The following DLEU7 variants were observed in gnomAD, a reference collection of about 807,000 sequenced individuals.
DLEU7 encodes deleted in lymphocytic leukemia 7, also known as leukemia-associated protein 7.
In DLEU7, 17 loss-of-function variants were observed where a neutral mutation model predicts 16.0. That is an observed-to-expected ratio of 1.06 (90% CI 0.73 to 1.59). The LOEUF (loss-of-function observed/expected upper bound fraction) is 1.59, where lower values mean the gene tolerates loss of function less well. Among genes scored for constraint, DLEU7 ranks in the 40% most tolerant of loss-of-function variants. The pLI is 0.00. For missense variants in DLEU7, 308 were observed against 314.9 expected, an observed-to-expected ratio of 0.98 and a Z score of 0.17; for synonymous variants, 113 against 139.8, an observed-to-expected ratio of 0.81 and a Z score of 1.35.
chr13:50,746,029 G>A (rs974473562), intron 1 of DLEU7, among the ~76,000 whole-genome samples: 3 of 152,110 alleles, frequency 2.0e-5, no homozygotes, highest in African/African-American at 7.2e-5. Flanking sequence ...TCTAGACCAA[G>A]GCCATAGACA....
chr13:50,753,825 C>T (rs775002577), intron 1 of DLEU7, among the ~76,000 whole-genome samples: 2 of 152,208 alleles, frequency 1.3e-5, no homozygotes, highest in African/African-American at 4.8e-5. Flanking sequence ...GTGCCAAGAG[C>T]GAGCGAGGGC....
At chr13:50,738,295 A>G (rs1326200212) in intron 1 of DLEU7, among the ~76,000 whole-genome samples, 1 of 152,148 alleles carries the variant, frequency 6.6e-6, no homozygotes, top group Non-Finnish European at 1.5e-5. Context: ...TCATAATAAA[A>G]CATTGGGAAA....
At chr13:50,808,789 A>G (rs905525611) in intron 1 of DLEU7, 7 of 152,118 alleles carry the variant, frequency 4.6e-5, no homozygotes, top group African/African-American at 1.4e-4. Context: ...GGTATAGTAG[A>G]AGATATTTAA....
At chr13:50,735,047 C>T (rs1361172258) in intron 1 of DLEU7, among the ~76,000 whole-genome samples, 1 of 151,936 alleles carries the variant, frequency 6.6e-6, no homozygotes, top group Non-Finnish European at 1.5e-5. Context: ...AGAATAATGC[C>T]AAAGTAAAAA....
intron 1 of DLEU7, among the ~76,000 whole-genome samples, chr13:50,803,257 C>T (rs2137783184): frequency 6.6e-6 from 1 of 152,250 alleles, no homozygotes; most frequent in African/African-American, 2.4e-5. Context: ...TCTCCCCTTC[C>T]TCATGGACTC....
At chr13:50,812,642 A>G (rs1876604437) in intron 1 of DLEU7, among the ~76,000 whole-genome samples, 1 of 152,154 alleles carries the variant, frequency 6.6e-6, no homozygotes, top group East Asian at 1.9e-4. Flanking sequence ...CAGTCTATAA[A>G]AACAAACAGC....
chr13:50,755,316 A>G (rs12858167), intron 1 of DLEU7, among the ~76,000 whole-genome samples: 33,956 of 152,140 alleles, frequency 0.22, 4,063 homozygotes, highest in Middle Eastern at 0.29. Flanking sequence ...TTCTCCCTCA[A>G]GAACACCGAT....
intron 1 of DLEU7, among the ~76,000 whole-genome samples, chr13:50,753,243 C>T (rs992769387): frequency 3.5e-4 from 54 of 152,258 alleles, no homozygotes; most frequent in Non-Finnish European, 7.3e-5. Context: ...CAGCTGGATT[C>T]ACCCAGTGGA....
chr13:50,739,194 A>C (rs1029912116), intron 1 of DLEU7, among the ~76,000 whole-genome samples: 1 of 152,014 alleles, frequency 6.6e-6, no homozygotes, highest in Non-Finnish European at 1.5e-5. Context: ...TTCTCAGTAA[A>C]TTCTTCTCGG....
chr13:50,720,379 C>T (rs1036652800), intron 1 of DLEU7, among the ~76,000 whole-genome samples: 3 of 152,130 alleles, frequency 2.0e-5, no homozygotes, highest in African/African-American at 7.2e-5. Flanking sequence ...GCCTAATGAC[C>T]AGATCAGGGC....
chr13:50,831,518 A>C, intron 1 of DLEU7, among the ~76,000 whole-genome samples: 1 of 152,324 alleles, frequency 6.6e-6, no homozygotes, highest in Non-Finnish European at 1.5e-5. Context: ...TAGTCTGAAA[A>C]GAATAGAATT....
chr13:50,778,354 C>T (rs1423834478), intron 1 of DLEU7, among the ~76,000 whole-genome samples: 3 of 152,106 alleles, frequency 2.0e-5, no homozygotes, highest in Non-Finnish European at 2.9e-5. Context: ...GTGGGGATTA[C>T]GATTTGACGT....
chr13:50,843,792 C>G, upstream of DLEU7: 1 of 1,158,310 alleles, frequency 8.6e-7, no homozygotes, highest in South Asian at 1.6e-5. This position sits in a 1 kb window ranked among gnomAD's most constrained non-coding sequence, Gnocchi z 5.7. Context: ...GGCCCCGCCC[C>G]CGGCTCTGAA....
chr13:50,737,757 A>G (rs1018501135), intron 1 of DLEU7, among the ~76,000 whole-genome samples: 3 of 152,104 alleles, frequency 2.0e-5, no homozygotes, highest in African/African-American at 7.2e-5. Context: ...AGTAAAGCCA[A>G]TTAGTAACCC....
chr13:50,812,617 G>A (rs1876603818), intron 1 of DLEU7, among the ~76,000 whole-genome samples: 1 of 152,140 alleles, frequency 6.6e-6, no homozygotes. Flanking sequence ...TATGTCTGCA[G>A]AGGGGCATAA....
chr13:50,825,096 T>C (rs1252581040), intron 1 of DLEU7, among the ~76,000 whole-genome samples: 1 of 150,746 alleles, frequency 6.6e-6, no homozygotes, highest in African/African-American at 2.5e-5. Context: ...AGATTCTCTC[T>C]TTTTTTTTAA....
At position 50,743,289 on chromosome 13, in the gene DLEU7, G is replaced by C. The variant is rs150461785; in HGVS notation, c.460-30049C>G. The stretch of plus-strand genomic sequence containing the variant: ...GTGCACAGGCCTGTGGGACCAAGCA[G>C]GTTTGCTGACAGGGCATCTAAACAG... On this transcript the variant is annotated intron_variant, in intron 1 of 1. Transcript: ENST00000400393. Among the ~76,000 whole-genome samples, 386 of 152,252 alleles carry C rather than the reference G, an allele frequency of 2.5e-3. 1 individual carries two copies. Among genetic ancestry groups the C allele is most frequent in the African/African-American group, 9.0e-3 (373 of 41,540 alleles).
rs538831534 is a variant in DLEU7 at position 50,801,460 on chromosome 13, T to G, written c.459+41728A>C. On this transcript the variant is annotated intron_variant, in intron 1 of 1. Coordinates refer to the DLEU7 transcript ENST00000400393. ...TATCCCTTTTCTGAGCAGAGACCGG[T>G]CTACTGTGGCAACATAATGCATCCA... 1.1e-4 allele frequency among the ~76,000 whole-genome samples: 17 copies of G among 152,178 alleles called. No homozygotes were observed. The South Asian group carries it at 1.7e-3, about 15-fold the overall frequency.
intron 1 of DLEU7, among the ~76,000 whole-genome samples, chr13:50,832,215 G>A (rs182275721): frequency 6.6e-6 from 1 of 152,204 alleles, no homozygotes; most frequent in East Asian, 1.9e-4. Flanking sequence ...GGTCTTGGGA[G>A]GGTATATGTG....
Sources: allele counts gnomAD v4.1 joint callset (sites outside exome capture counted in the v4.1 genomes callset), GRCh38; gene constraint gnomAD v4.1.1; non-coding constraint Gnocchi (gnomAD v3.1); transcripts MANE v1.5; gene names NCBI Gene and HGNC (gene_info 2026-07-23, HGNC 2026-07-21).